ENTPD2: variants seen among roughly 807,000 people sequenced by gnomAD.
The protein encoded by ENTPD2 is CD39 antigen-like 1.
A neutral mutation model predicts 46.8 loss-of-function variants in ENTPD2; 48 were observed. That is an observed-to-expected ratio of 1.03 (90% CI 0.81 to 1.30). The LOEUF (loss-of-function observed/expected upper bound fraction) is 1.30, where lower values mean the gene tolerates loss of function less well. Ranked by LOEUF, ENTPD2 falls within the 50% of genes most tolerant of loss-of-function variation. The pLI is 0.00. For synonymous variants in ENTPD2, 316 were observed against 286.1 expected (o/e 1.10, Z -1.06); for missense variants, 707 against 651.1 (o/e 1.09, Z -0.93).
Position 137,051,264 on chromosome 9 carries a change from C to G in ENTPD2, c.493G>C (p.Glu165Gln), listed in dbSNP as rs772794241. The G allele has an allele frequency of 3.5e-5, 56 of 1,612,792 alleles. No individual in the cohort carries two copies. Among genetic ancestry groups the G allele is most frequent in the Non-Finnish European group, 4.2e-6 (5 of 1,179,832 alleles). The change falls in exon 4 of 9, where the codon GAG (glutamate) becomes CAG (glutamine). Residue 165 changes from glutamate (E) to glutamine (Q), a missense_variant. Glu to Gln is a conservative substitution (Grantham distance 29). Coordinates refer to ENST00000355097, the MANE Select transcript of ENTPD2 (RefSeq NM_203468.3). Reference sequence around the variant, plus strand: ...GCAGTCACCCAGCCAAACACCCCCTCTTCCTGGCCCGAGAGGATGCGTGCA... The same window carrying G: ...GCAGTCACCCAGCCAAACACCCCCTGTTCCTGGCCCGAGAGGATGCGTGCA... ...RGARILSGQE[E>Q]GVFGWVTANY...
chr9:137,049,064 C>G lies in ENTPD2; in HGVS notation c.1161G>C (p.Arg387=). The G allele has an allele frequency of 6.5e-7, 1 of 1,533,252 alleles. No individual in the cohort carries two copies. Among genetic ancestry groups the G allele is most frequent in the South Asian group, 1.2e-5 (1 of 83,946 alleles). The allele number at this position is 1,533,252 out of a possible 1,614,324, so 95.0% of individuals were successfully genotyped here. Reference sequence around the variant, plus strand: ...CCAGGCGGGCCCGTTGCCCTGGCACCCGAGCTTGCAGCTGGGACGCGGGCG... The same window carrying G: ...CCAGGCGGGCCCGTTGCCCTGGCACGCGAGCTTGCAGCTGGGACGCGGGCG... ...CNQTWAQLQA[R]VPGQRARLAD... is the part of the protein sequence containing the mutation. Residue 387 remains arginine, a synonymous_variant, in exon 8 of 9, where the codon CGG becomes CGC. Transcript: ENST00000355097.
rs1370536819 is a variant in ENTPD2 at position 137,051,056 on chromosome 9, G to A, written c.620C>T (p.Thr207Ile). Reference sequence around the variant, plus strand: ...ACTGGTTGTCTCAAAAGTGATCTGGGTAGAGGCACCCCCCAGGTCCATGGC... The same window carrying A: ...ACTGGTTGTCTCAAAAGTGATCTGGATAGAGGCACCCCCCAGGTCCATGGC... ...LGAMDLGGAS[T>I]QITFETTSPA... The change falls in exon 5 of 9, where the codon ACC becomes ATC. Residue 207 changes from threonine to isoleucine, a missense_variant. Transcript: ENST00000355097. 1.9e-6 allele frequency: 3 copies of A among 1,612,922 alleles called. No homozygotes were observed. The highest frequency in any genetic ancestry group is 2.5e-6 in the Non-Finnish European group (3 of 1,180,018).
intron 8 of ENTPD2, 33 bp from the exon 9 acceptor site, chr9:137,048,893 A>G: frequency 6.7e-7 from 1 of 1,503,724 alleles, no homozygotes. Context: ...AGCTCCCGAG[A>G]GGCCCCGCCC....
intron 1 of ENTPD2, among the ~76,000 whole-genome samples, chr9:137,053,657 C>T (rs921695611): frequency 6.6e-6 from 1 of 152,174 alleles, no homozygotes; most frequent in Non-Finnish European, 1.5e-5. Context: ...GGACTTGTTC[C>T]TTCAGCACCG....
At chr9:137,052,179 C>T (rs1178663127) in intron 2 of ENTPD2, 52 bp downstream of exon 2, 49 of 1,521,982 alleles carry the variant, frequency 3.2e-5, no homozygotes, top group Non-Finnish European at 4.2e-5. Flanking sequence ...GGAGAGGGTC[C>T]CAGAGACCCT....
chr9:137,048,476 T>C lies in ENTPD2; in HGVS notation c.*181A>G. 1 of 405,412 alleles carries C rather than the reference T, an allele frequency of 2.5e-6. No homozygotes were observed. Among genetic ancestry groups the C allele is most frequent in the Non-Finnish European group, 4.2e-6 (1 of 235,492 alleles). 25.1% of individuals were successfully genotyped at this position (405,412 alleles called of 1,614,324 possible). A position where few individuals can be genotyped will look rare whatever the true frequency, so the allele number is the denominator to read the frequency against. Reference sequence around the variant, plus strand: ...AGAAGACAGTGGTGGGGTGGAGCGGTGGGGGATAGAGGGTGGGTGGAGGAA... The same window carrying C: ...AGAAGACAGTGGTGGGGTGGAGCGGCGGGGGATAGAGGGTGGGTGGAGGAA... On this transcript the variant is annotated 3_prime_UTR_variant, in exon 9 of 9. Transcript: ENST00000355097.
chr9:137,051,975 C>T (rs373036715), intron 2 of ENTPD2, among the ~76,000 whole-genome samples: 1 of 152,002 alleles, frequency 6.6e-6, no homozygotes, highest in Admixed American at 6.5e-5. Context: ...CCTGCTCCAT[C>T]TGGGGCACAG....
Position 137,051,282 on chromosome 9 carries a change from T to C in ENTPD2, c.475A>G (p.Ile159Val). 4 of 1,611,836 alleles carry C rather than the reference T, an allele frequency of 2.5e-6. No homozygotes were observed. Among genetic ancestry groups the C allele is most frequent in the South Asian group, 1.1e-5 (1 of 90,922 alleles). The change falls in exon 4 of 9, where the codon ATC (isoleucine) becomes GTC (valine). Residue 159 changes from isoleucine to valine, a missense_variant. By Grantham distance (29) the Ile-to-Val change is conservative. Transcript: ENST00000355097. Reference protein sequence around the residue: ...QYPFDFRGARILSGQEEGVFG... With the variant: ...QYPFDFRGARVLSGQEEGVFG... ...ACCCCCTCTTCCTGGCCCGAGAGGA[T>C]GCGTGCACCCCGGAAGTCAAAGGGG...
intron 3 of ENTPD2, 47 bp downstream of exon 3, chr9:137,051,463 A>G: frequency 6.4e-7 from 1 of 1,552,796 alleles, no homozygotes; most frequent in Non-Finnish European, 8.7e-7. Context: ...AAGGGGTCAC[A>G]GCCAAAGGCC....
rs767060838 is a variant in ENTPD2 at position 137,051,132 on chromosome 9, G to C, written c.547-3C>G. 3 of 1,612,772 alleles carry C rather than the reference G, an allele frequency of 1.9e-6. No individual in the cohort carries two copies. The highest frequency in any genetic ancestry group is 2.5e-6 in the Non-Finnish European group (3 of 1,179,944). On this transcript the variant is annotated splice_region_variant and splice_polypyrimidine_tract_variant and intron_variant, in intron 4 of 8. Coordinates refer to ENST00000355097, the MANE Select transcript of ENTPD2 (RefSeq NM_203468.3). ...AACCACCGGCCCACCCAGCCGTACT[G>C]TGGAGAGGGGAGTGTGGGGTCAACC...
rs1832298899 is a variant in ENTPD2, at chr9:137,051,569, T to C, written c.327A>G (p.Lys109=). The C allele has an allele frequency of 6.2e-7, 1 of 1,612,744 alleles. No individual in the cohort carries two copies. The highest frequency in any genetic ancestry group is 8.5e-7 in the Non-Finnish European group (1 of 1,179,896). Residue 109 remains lysine, a synonymous_variant, in exon 3 of 9, where the codon AAA becomes AAG. Transcript: ENST00000355097. ...CLEQALQDVP[K]ERHAGTPLYL... is the part of the protein sequence containing the mutation. ...AGAGGGGTGTGCCCGCGTGTCTCTC[T>C]TTGGGCACATCCTGAAGCGCCTGTT...
At chr9:137,052,528 A>G (rs775986960) in intron 1 of ENTPD2, 180 bp from the exon 2 acceptor site, 5 of 537,788 alleles carry the variant, frequency 9.3e-6, no homozygotes, top group African/African-American at 7.7e-5. Flanking sequence ...GGTTGGAAGG[A>G]GAACAGGGAG....
At chr9:137,051,705 C>G (rs758354493) in intron 2 of ENTPD2, 45 bp from the exon 3 acceptor site, 51 of 1,553,394 alleles carry the variant, frequency 3.3e-5, no homozygotes, top group Non-Finnish European at 3.0e-5. Flanking sequence ...CGGGCAGCCC[C>G]TAGGTGGGCC....
chr9:137,048,984 C>T lies in ENTPD2; in HGVS notation c.1241G>A (p.Gly414Asp), dbSNP rs1441011573. Residue 414 changes from glycine to aspartate, a missense_variant, in exon 8 of 9, where the codon GGC becomes GAC. Transcript: ENST00000355097. ...FVQQLLSRGY[G>D]FDERAFGGVI... is the part of the protein sequence containing the mutation. ...GCCGCCGAAGGCGCGCTCGTCGAAG[C>T]CGTAGCCGCGACTCAGCAGCTGCTG... is the stretch of plus-strand genomic sequence containing the variant. 4.6e-6 allele frequency: 7 copies of T among 1,536,896 alleles called. No homozygotes were observed. Among genetic ancestry groups the T allele is most frequent in the Non-Finnish European group, 6.1e-6 (7 of 1,144,854 alleles).
chr9:137,050,566 G>A (rs1173291656), intron 5 of ENTPD2, 28 bp from the exon 6 acceptor site: 2 of 1,605,482 alleles, frequency 1.2e-6, no homozygotes, highest in South Asian at 1.1e-5. Context: ...GTGACAGGGT[G>A]GCACCACCAC....
At position 137,051,408 on chromosome 9, in the gene ENTPD2, A is replaced by G. The variant is rs756152005; in HGVS notation, c.387-38T>C. On this transcript the variant is annotated intron_variant, in intron 3 of 8. Transcript: ENST00000355097. ...GAGAACTCCAAGAGGCCTTCTCCCC[A>G]GGTGGCTGTGAGCCTGCTGTAGGGG... 2.0e-5 allele frequency: 31 copies of G among 1,539,056 alleles called. No individual in the cohort carries two copies. In the South Asian group the frequency reaches 3.8e-4, roughly 19 times the overall value.
In ENTPD2 at chr9:137,049,988, G is replaced by A. The variant is rs562706698; in HGVS notation, c.1031C>T (p.Ala344Val). 99 of 1,611,048 alleles carry A rather than the reference G, an allele frequency of 6.1e-5. 3 individuals carry two copies. In the South Asian group the frequency reaches 9.5e-4, roughly 15 times the overall value. ...CACAGTGTAGAAGAAGGCAGAGAAG[G>A]CCTGTAGGGGGCGCAGTCACACTGT... ...FQPPVAGNFV[A>V]FSAFFYTVDF... The change falls in exon 7 of 9, where the codon GCC (alanine) becomes GTC (valine). Residue 344 changes from alanine to valine, a missense_variant and splice_region_variant. Physicochemically the swap from Ala to Val is moderately conservative, Grantham distance 64 (BLOSUM62 0). Coordinates refer to ENST00000355097, the MANE Select transcript of ENTPD2 (RefSeq NM_203468.3).
chr9:137,053,755 CCG>C, intron 1 of ENTPD2, 124 bp downstream of exon 1: 1 of 605,276 alleles, frequency 1.7e-6, no homozygotes, highest in Non-Finnish European at 2.4e-6. Context: ...CCCACCCAGC[CCG>C]CCAGGAGCAG....
chr9:137,052,084 G>A (rs1832309432), intron 2 of ENTPD2, 147 bp downstream of exon 2: 2 of 730,174 alleles, frequency 2.7e-6, no homozygotes, highest in East Asian at 2.5e-5. Flanking sequence ...CAGGCGCAGG[G>A]GCACCAGCCT....
Sources: gnomAD v4.1 joint callset for allele counts (sites outside exome capture counted in the v4.1 genomes callset) on GRCh38, gnomAD v4.1.1 for gene constraint, MANE v1.5 for transcripts, NCBI Gene and HGNC (gene_info 2026-07-23, HGNC 2026-07-21) for gene names.